The following MIR2052HG variants were observed in gnomAD, a reference collection of about 807,000 sequenced individuals.
The protein encoded by MIR2052HG is MIR2052 host gene.
chr8:74,636,123 T>G (rs1808578790), intron 2 of MIR2052HG, among the ~76,000 whole-genome samples: 1 of 152,168 alleles, frequency 6.6e-6, no homozygotes. Flanking sequence ...ATTTTAGAAC[T>G]TAGTAAGCCA....
chr8:74,688,387 G>T (rs1364548571), intron 2 of MIR2052HG, among the ~76,000 whole-genome samples: 1 of 152,124 alleles, frequency 6.6e-6, no homozygotes, highest in Non-Finnish European at 1.5e-5. Flanking sequence ...GACAGTTTCT[G>T]TCTTAAAGAA....
At chr8:74,756,139 T>C (rs1321501555) in intron 5 of MIR2052HG, among the ~76,000 whole-genome samples, 1 of 152,212 alleles carries the variant, frequency 6.6e-6, no homozygotes, top group Non-Finnish European at 1.5e-5. Context: ...AGGAAAGTAC[T>C]ATAATTAGAA....
At chr8:74,607,687 G>A (rs1443939170) in intron 1 of MIR2052HG, among the ~76,000 whole-genome samples, 1 of 152,086 alleles carries the variant, frequency 6.6e-6, no homozygotes, top group African/African-American at 2.4e-5. Flanking sequence ...TTTTATTCAG[G>A]AATTTAACCC....
Position 74,696,408 on chromosome 8 carries a change from G to A in MIR2052HG, n.217-5971G>A, listed in dbSNP as rs374310602. ...AATAAACAATCTAAGGTCACACCTC[G>A]AGGAGCTAGAGGAACAAGAACAAAC... On this transcript the variant is annotated intron_variant and non_coding_transcript_variant, in intron 2 of 6. Transcript: ENST00000523442. Among the ~76,000 whole-genome samples, 8 of 151,840 alleles carry A rather than the reference G, an allele frequency of 5.3e-5. No homozygotes were observed. In the East Asian group the frequency reaches 5.8e-4, roughly 11 times the overall value.
chr8:74,740,872 AAC>A (rs1809818163), intron 4 of MIR2052HG, among the ~76,000 whole-genome samples: 1 of 151,432 alleles, frequency 6.6e-6, no homozygotes. Flanking sequence ...TTATTACAAA[AAC>A]TCTTCTCTCT....
intron 1 of MIR2052HG, among the ~76,000 whole-genome samples, chr8:74,602,865 C>CTTTCTTTCTT (rs1554570066): frequency 2.5e-4 from 35 of 142,768 alleles, no homozygotes; most frequent in African/African-American, 3.7e-4. Context: ...TTCTTTCTTT[C>CTTTCTTTCTT]TTTCTTTCTT....
At chr8:74,688,980 G>A (rs1035681089) in intron 2 of MIR2052HG, among the ~76,000 whole-genome samples, 6 of 152,156 alleles carry the variant, frequency 3.9e-5, no homozygotes, top group African/African-American at 1.4e-4. Flanking sequence ...TTCTCACATT[G>A]TAAAAAAAAG....
intron 4 of MIR2052HG, among the ~76,000 whole-genome samples, chr8:74,746,796 A>G (rs1809892330): frequency 6.6e-6 from 1 of 152,056 alleles, no homozygotes; most frequent in Non-Finnish European, 1.5e-5. Flanking sequence ...TGAAATGGAG[A>G]GCACTGGCAG....
At chr8:74,698,586 G>A (rs559126145) in intron 2 of MIR2052HG, among the ~76,000 whole-genome samples, 1 of 152,300 alleles carries the variant, frequency 6.6e-6, no homozygotes, top group East Asian at 1.9e-4. Context: ...CAGACTGGGA[G>A]ATAATCTTCA....
chr8:74,702,542 C>G (rs930998683), intron 3 of MIR2052HG: 3 of 255,216 alleles, frequency 1.2e-5, no homozygotes, highest in Admixed American at 7.8e-5. Flanking sequence ...TACATGTAAG[C>G]CAGATTCAAA....
intron 4 of MIR2052HG, among the ~76,000 whole-genome samples, chr8:74,714,779 G>A (rs557083378): frequency 7.6e-5 from 11 of 144,888 alleles, no homozygotes; most frequent in Admixed American, 2.2e-4. Flanking sequence ...ATCTCGGCTC[G>A]CTGCAACCTC....
At chr8:74,752,337 AATTT>A (rs1809956500) in intron 4 of MIR2052HG, 7 of 342,018 alleles carry the variant, frequency 2.0e-5, no homozygotes, top group South Asian at 1.5e-4. Context: ...TTCAATTACT[AATTT>A]CAAAGGCATA....
At chr8:74,744,482 T>C (rs974517214) in intron 4 of MIR2052HG, among the ~76,000 whole-genome samples, 5 of 142,568 alleles carry the variant, frequency 3.5e-5, no homozygotes, top group Admixed American at 1.4e-4. Context: ...CCCCTCCCCC[T>C]ACCCCACAAC....
chr8:74,710,191 A>G (rs1424948309), intron 4 of MIR2052HG, among the ~76,000 whole-genome samples: 3 of 152,182 alleles, frequency 2.0e-5, no homozygotes, highest in African/African-American at 7.2e-5. Context: ...CTTTGGGGGA[A>G]AGAAGGAGTA....
intron 4 of MIR2052HG, among the ~76,000 whole-genome samples, chr8:74,736,754 T>C (rs550533622): frequency 2.0e-5 from 3 of 152,356 alleles, no homozygotes; most frequent in African/African-American, 7.2e-5. Context: ...GAAACCACTT[T>C]GCTCTCTGTT....
chr8:74,643,091 C>T (rs968319567), intron 2 of MIR2052HG, among the ~76,000 whole-genome samples: 2 of 152,190 alleles, frequency 1.3e-5, no homozygotes, highest in African/African-American at 2.4e-5. Flanking sequence ...TCTGCTGTCT[C>T]TCTGGGAGCA....
At chr8:74,610,643 T>C (rs1208364697) in intron 1 of MIR2052HG, among the ~76,000 whole-genome samples, 1 of 151,908 alleles carries the variant, frequency 6.6e-6, no homozygotes, top group Non-Finnish European at 1.5e-5. Context: ...GATATTGGCA[T>C]GAGGATAAAA....
At chr8:74,637,381 T>TG (rs1335683000) in intron 2 of MIR2052HG, among the ~76,000 whole-genome samples, 5 of 151,440 alleles carry the variant, frequency 3.3e-5, no homozygotes, top group Admixed American at 3.3e-4. Flanking sequence ...TTGTGAGAGA[T>TG]GGGGGGTGAA....
chr8:74,641,663 T>C (rs968949170), intron 2 of MIR2052HG, among the ~76,000 whole-genome samples: 3 of 152,300 alleles, frequency 2.0e-5, no homozygotes, highest in African/African-American at 7.2e-5. Context: ...ATGGGGTTTT[T>C]TTTGGTAAGC....
Sources: allele counts gnomAD v4.1 joint callset (sites outside exome capture counted in the v4.1 genomes callset), GRCh38; gene constraint gnomAD v4.1.1; transcripts MANE v1.5; gene names NCBI Gene and HGNC (gene_info 2026-07-23, HGNC 2026-07-21).